Variants in PIK3R3 observed in about 807,000 individuals in gnomAD.
PIK3R3 encodes phosphatidylinositol 3-kinase regulatory subunit gamma.
PIK3R3 carries 64 observed loss-of-function variants against 62.9 expected under a neutral mutation model. The ratio of observed to expected loss-of-function variants is 1.02; its 90% CI spans 0.83 to 1.25. The LOEUF (loss-of-function observed/expected upper bound fraction) is 1.25, where lower values mean the gene tolerates loss of function less well. Among genes scored for constraint, PIK3R3 ranks in the 50% most tolerant of loss-of-function variants. The pLI, the probability that PIK3R3 is intolerant of heterozygous loss-of-function variation, is 0.00. For synonymous variants in PIK3R3, 165 were observed against 189.0 expected (o/e 0.87, Z 1.04); for missense variants, 614 against 561.6 (o/e 1.09, Z -0.94).
rs71307629 is a variant in PIK3R3 at position 46,067,253 on chromosome 1, CATATATATAT to C, written c.315-172_315-163del. ...AAAGGCATGTTATTCTGTGTGTGAACATATATATATATATATATATATATAATTCATTTTG... is the reference window on the plus strand; with the variant it reads ...AAAGGCATGTTATTCTGTGTGTGAACATATATATATATATAATTCATTTTG... On this transcript the variant is annotated intron_variant, in intron 3 of 9. Transcript: ENST00000262741. Among the ~76,000 whole-genome samples the C allele has an allele frequency of 2.4e-4, 31 of 130,354 alleles. 2 individuals are homozygous for C. The highest frequency in any genetic ancestry group is 8.7e-4 in the Admixed American group (11 of 12,644). The allele number at this position is 130,354 out of a possible 152,430, so 85.5% of individuals were successfully genotyped here. A position where few individuals can be genotyped will look rare whatever the true frequency, so the allele number is the denominator to read the frequency against.
At chr1:46,132,997 G>C, upstream of PIK3R3, 2 of 1,075,534 alleles carry the variant, frequency 1.9e-6, no homozygotes, top group Non-Finnish European at 2.3e-6. Context: ...TGGGGCGAGG[G>C]AAGAGAGGCA....
At chr1:46,086,622 C>T (rs1273971286) in intron 1 of PIK3R3, among the ~76,000 whole-genome samples, 1 of 152,078 alleles carries the variant, frequency 6.6e-6, no homozygotes, top group Non-Finnish European at 1.5e-5. Context: ...CTCGCTTGAC[C>T]CCGGGAGGCA....
the PIK3R3 span, among the ~76,000 whole-genome samples, chr1:46,149,370 C>T: frequency 7.1e-6 from 1 of 141,140 alleles, no homozygotes. Flanking sequence ...TGCAGTAAGC[C>T]GAGATTGTGC....
chr1:46,099,140 T>C (rs1239241252), intron 1 of PIK3R3, among the ~76,000 whole-genome samples: 1 of 152,218 alleles, frequency 6.6e-6, no homozygotes, highest in Non-Finnish European at 1.5e-5. Context: ...AAGGTGGATA[T>C]ATGGCATGTG....
At chr1:46,055,511 C>A (rs1461671448) in intron 7 of PIK3R3, among the ~76,000 whole-genome samples, 2 of 152,180 alleles carry the variant, frequency 1.3e-5, no homozygotes, top group Non-Finnish European at 2.9e-5. Context: ...TTAATCTGTT[C>A]TTGTTAAGAT....
chr1:46,172,461 C>T, the PIK3R3 span, among the ~76,000 whole-genome samples: 2 of 152,284 alleles, frequency 1.3e-5, no homozygotes, highest in East Asian at 3.9e-4. Context: ...GCAACCTCCA[C>T]TTCCCAGGTT....
At chr1:46,110,075 C>G (rs1472294405) in intron 1 of PIK3R3, among the ~76,000 whole-genome samples, 3 of 151,906 alleles carry the variant, frequency 2.0e-5, no homozygotes, top group Admixed American at 6.6e-5. Context: ...TCATAAAATG[C>G]CCATCCCTAT....
chr1:46,135,112 G>C (rs992030165), upstream of PIK3R3, among the ~76,000 whole-genome samples: 1 of 152,166 alleles, frequency 6.6e-6, no homozygotes, highest in Non-Finnish European at 1.5e-5. Context: ...GATGATTCTG[G>C]TCTTTCTTTC....
chr1:46,116,225 AATAGGCCAGGC>A (rs1383717748), intron 1 of PIK3R3, among the ~76,000 whole-genome samples: 1 of 152,056 alleles, frequency 6.6e-6, no homozygotes, highest in Non-Finnish European at 1.5e-5. Flanking sequence ...TAATAATGAA[AATAGGCCAGGC>A]ACAGTGGCTC....
At chr1:46,140,601 G>A in the PIK3R3 span, among the ~76,000 whole-genome samples, 1 of 152,114 alleles carries the variant, frequency 6.6e-6, no homozygotes, top group East Asian at 1.9e-4. Context: ...GAGGGAGATT[G>A]GAGACATAGA....
upstream of PIK3R3, among the ~76,000 whole-genome samples, chr1:46,137,372 G>A (rs1280811972): frequency 6.6e-6 from 1 of 152,192 alleles, no homozygotes; most frequent in Non-Finnish European, 1.5e-5. Flanking sequence ...GTGTGTTGGG[G>A]GAGCCCCAAA....
intron 1 of PIK3R3, among the ~76,000 whole-genome samples, chr1:46,115,235 T>C (rs1453514067): frequency 2.0e-5 from 3 of 152,186 alleles, no homozygotes; most frequent in Non-Finnish European, 4.4e-5. Flanking sequence ...CATCAAACCA[T>C]GCCAGGGGCC....
chr1:46,066,214 C>T (rs1337691802), intron 4 of PIK3R3, 35 bp from the exon 5 acceptor site: 5 of 1,393,146 alleles, frequency 3.6e-6, no homozygotes, highest in Non-Finnish European at 4.0e-6. Flanking sequence ...AGAATGTTAA[C>T]AATTCTGACA....
chr1:46,147,624 T>G, the PIK3R3 span, among the ~76,000 whole-genome samples: 2 of 150,010 alleles, frequency 1.3e-5, no homozygotes, highest in African/African-American at 5.0e-5. Flanking sequence ...TTTCACTGTG[T>G]TAGCCGGGAC....
Position 46,046,072 on chromosome 1 carries a change from C to A in PIK3R3, c.1033G>T (p.Glu345Ter). 1 of 1,597,356 alleles carries A rather than the reference C, an allele frequency of 6.3e-7. No homozygotes were observed. Among genetic ancestry groups the A allele is most frequent in the Non-Finnish European group, 8.6e-7 (1 of 1,167,286 alleles). The stretch of plus-strand genomic sequence containing the variant: ...TAATGGGGCAGGTTTTCATCTTCCT[C>A]ATTGATAAAATAGTTCCTAAAAATT... ...EDADENYFIN[E>*]EDENLPHYDE... is the part of the protein sequence containing the mutation. The change falls in exon 9 of 10, where the codon GAG becomes TAG. Residue 345 changes from glutamate (E) to a stop codon, truncating the protein, a stop_gained. Coordinates refer to ENST00000262741, the MANE Select transcript of PIK3R3 (RefSeq NM_003629.4). LOFTEE classifies it high-confidence loss of function.
the PIK3R3 span, among the ~76,000 whole-genome samples, chr1:46,156,302 A>T: frequency 3.3e-5 from 5 of 152,152 alleles, no homozygotes; most frequent in African/African-American, 1.2e-4. Context: ...TCTACTAAAA[A>T]TACAAAAATT....
At chr1:46,068,903 T>C (rs567686437) in intron 3 of PIK3R3, among the ~76,000 whole-genome samples, 2 of 152,320 alleles carry the variant, frequency 1.3e-5, no homozygotes, top group South Asian at 2.1e-4. Flanking sequence ...ATCTATCTTG[T>C]GGCTTAAAAG....
the PIK3R3 span, among the ~76,000 whole-genome samples, chr1:46,169,114 G>C: frequency 6.6e-6 from 1 of 152,178 alleles, no homozygotes; most frequent in Admixed American, 6.5e-5. Context: ...ACTTCTTCCT[G>C]AAACTCTCAT....
chr1:46,141,332 A>G, the PIK3R3 span, among the ~76,000 whole-genome samples: 102 of 152,126 alleles, frequency 6.7e-4, no homozygotes, highest in South Asian at 0.021. Context: ...GTACAGTGGC[A>G]TGATCTCAGC....
Sources: gnomAD v4.1 joint callset for allele counts (sites outside exome capture counted in the v4.1 genomes callset) on GRCh38, gnomAD v4.1.1 for gene constraint, MANE v1.5 for transcripts, NCBI Gene and HGNC (gene_info 2026-07-23, HGNC 2026-07-21) for gene names.